Variants in RIT2 observed in about 807,000 individuals in gnomAD.
RIT2 encodes the protein GTP-binding protein Rit2.
In RIT2, 24 loss-of-function variants were observed where a neutral mutation model predicts 23.7. That is an observed-to-expected ratio of 1.01 (90% CI 0.73 to 1.43). The LOEUF is 1.43. RIT2 is among the 40% of genes most tolerant of loss of function. The pLI is 0.00. For synonymous variants in RIT2, 107 were observed against 91.1 expected (o/e 1.17, Z -0.99); for missense variants, 236 against 266.9 (o/e 0.88, Z 0.81).
chr18:42,875,933 C>T (rs994214528), intron 4 of RIT2, among the ~76,000 whole-genome samples: 1 of 151,948 alleles, frequency 6.6e-6, no homozygotes, highest in Non-Finnish European at 1.5e-5. Context: ...TAGATAATGT[C>T]ATTTATCACC....
intron 1 of RIT2, among the ~76,000 whole-genome samples, chr18:43,078,850 C>A (rs937870754): frequency 3.9e-5 from 6 of 152,092 alleles, no homozygotes; most frequent in African/African-American, 1.4e-4. Flanking sequence ...ATCTTCTGTC[C>A]AAGGGCATCT....
chr18:42,766,523 G>C (rs1374186921), intron 4 of RIT2, among the ~76,000 whole-genome samples: 1 of 152,188 alleles, frequency 6.6e-6, no homozygotes, highest in African/African-American at 2.4e-5. Context: ...AAGGCCTTCA[G>C]TTTTATAAGG....
At chr18:42,957,865 C>T (rs1910009260) in intron 3 of RIT2, among the ~76,000 whole-genome samples, 1 of 152,132 alleles carries the variant, frequency 6.6e-6, no homozygotes, top group Admixed American at 6.6e-5. Context: ...CTGGTATAAA[C>T]TGGTTTGGAA....
chr18:42,781,489 A>G (rs1598651286), intron 4 of RIT2, among the ~76,000 whole-genome samples: 1 of 152,100 alleles, frequency 6.6e-6, no homozygotes, highest in Admixed American at 6.5e-5. Flanking sequence ...AACCACCCAA[A>G]GCAGCCTCTC....
intron 4 of RIT2, among the ~76,000 whole-genome samples, chr18:42,838,220 T>C (rs1484217953): frequency 6.6e-6 from 1 of 152,170 alleles, no homozygotes; most frequent in African/African-American, 2.4e-5. Flanking sequence ...TTTTTCTTTA[T>C]ATAACTGCAT....
intron 4 of RIT2, among the ~76,000 whole-genome samples, chr18:42,921,740 G>T (rs538372453): frequency 4.9e-4 from 74 of 152,166 alleles, no homozygotes; most frequent in African/African-American, 1.7e-3. Flanking sequence ...CCTGTCAGAG[G>T]TTTTTGTTCT....
At chr18:43,006,952 T>C (rs1911242689) in intron 2 of RIT2, among the ~76,000 whole-genome samples, 1 of 151,086 alleles carries the variant, frequency 6.6e-6, no homozygotes, top group Non-Finnish European at 1.5e-5. Flanking sequence ...AAAGAAGAAA[T>C]AATAAATAAT....
intron 4 of RIT2, among the ~76,000 whole-genome samples, chr18:42,759,036 C>T (rs1371143196): frequency 6.6e-6 from 1 of 152,134 alleles, no homozygotes; most frequent in Non-Finnish European, 1.5e-5. Context: ...TGTCAGCCTT[C>T]GTAGTAGCAT....
intron 1 of RIT2, among the ~76,000 whole-genome samples, chr18:43,108,923 G>A (rs1393493829): frequency 6.6e-6 from 1 of 152,182 alleles, no homozygotes; most frequent in Non-Finnish European, 1.5e-5. Context: ...ACAGGGTTAG[G>A]ATAACGCATG....
intron 4 of RIT2, among the ~76,000 whole-genome samples, chr18:42,758,993 A>G (rs1427858005): frequency 6.6e-6 from 1 of 152,160 alleles, no homozygotes; most frequent in African/African-American, 2.4e-5. Flanking sequence ...GGCTTTCCTG[A>G]GCCTCCAGCT....
chr18:43,055,338 G>A (rs1171743896), intron 1 of RIT2, among the ~76,000 whole-genome samples: 1 of 152,076 alleles, frequency 6.6e-6, no homozygotes, highest in Admixed American at 6.6e-5. Flanking sequence ...TGGATGTCTG[G>A]TGATGAAAAC....
At chr18:43,045,280 C>A (rs755935159) in intron 1 of RIT2, among the ~76,000 whole-genome samples, 2 of 152,054 alleles carry the variant, frequency 1.3e-5, no homozygotes, top group Non-Finnish European at 2.9e-5. Flanking sequence ...ACAGACAATT[C>A]CAAAGCATTC....
At chr18:42,935,684 T>C (rs563185621) in intron 3 of RIT2, among the ~76,000 whole-genome samples, 1 of 152,126 alleles carries the variant, frequency 6.6e-6, no homozygotes, top group Non-Finnish European at 1.5e-5. Flanking sequence ...TCCAGGTTCT[T>C]GGCGTGTGGA....
chr18:42,938,763 G>A (rs1909523261), intron 3 of RIT2, among the ~76,000 whole-genome samples: 4 of 151,974 alleles, frequency 2.6e-5, no homozygotes, highest in Admixed American at 2.6e-4. Context: ...TTAAGAGACG[G>A]CATCTTGCTC....
At chr18:42,823,167 T>C (rs1463419717) in intron 4 of RIT2, among the ~76,000 whole-genome samples, 1 of 152,124 alleles carries the variant, frequency 6.6e-6, no homozygotes, top group Non-Finnish European at 1.5e-5. Context: ...AAAATACCCA[T>C]TTTCATTTTT....
chr18:42,932,557 T>C (rs1909352640), intron 3 of RIT2, among the ~76,000 whole-genome samples: 1 of 152,188 alleles, frequency 6.6e-6, no homozygotes, highest in Non-Finnish European at 1.5e-5. Context: ...ACTTCTCTCA[T>C]GGCCTGATCA....
intron 4 of RIT2, among the ~76,000 whole-genome samples, chr18:42,909,249 C>T (rs1419378999): frequency 2.0e-5 from 3 of 152,102 alleles, no homozygotes; most frequent in Non-Finnish European, 4.4e-5. Context: ...TATGTTCTCA[C>T]TTATAAGTGA....
At chr18:42,840,911 C>T (rs1011448046) in intron 4 of RIT2, among the ~76,000 whole-genome samples, 4 of 152,172 alleles carry the variant, frequency 2.6e-5, no homozygotes, top group East Asian at 1.9e-4. Context: ...CTCAAAACCG[C>T]GTCTGTCATA....
chr18:42,769,682 C>A (rs985396959), intron 4 of RIT2, among the ~76,000 whole-genome samples: 1 of 151,708 alleles, frequency 6.6e-6, no homozygotes, highest in Non-Finnish European at 1.5e-5. Flanking sequence ...ACTCAGAGGG[C>A]CACTCTATCT....
Sources: allele counts gnomAD v4.1 joint callset (sites outside exome capture counted in the v4.1 genomes callset), GRCh38; gene constraint gnomAD v4.1.1; transcripts MANE v1.5; gene names NCBI Gene and HGNC (gene_info 2026-07-23, HGNC 2026-07-21).